The following CCDC148 variants were observed in gnomAD, a reference collection of about 807,000 sequenced individuals.
CCDC148 encodes the protein coiled-coil domain-containing protein 148.
Under a neutral mutation model 85.7 loss-of-function variants are expected in CCDC148, and 89 were observed. That is an observed-to-expected ratio of 1.04 (90% CI 0.87 to 1.24). CCDC148 has a LOEUF of 1.24. Ranked by LOEUF, CCDC148 falls within the 50% of genes most tolerant of loss-of-function variation. CCDC148 has a pLI of 0.00. For missense variants in CCDC148, 692 were observed against 671.7 expected, an observed-to-expected ratio of 1.03 and a Z score of -0.33; for synonymous variants, 230 against 213.9, an observed-to-expected ratio of 1.08 and a Z score of -0.66.
At chr2:158,447,034 G>C (rs1056411388) in intron 1 of CCDC148, 2 of 152,002 alleles carry the variant, frequency 1.3e-5, no homozygotes, top group Admixed American at 1.3e-4. Flanking sequence ...CCAATGTTTT[G>C]CTATTATTAA....
intron 1 of CCDC148, among the ~76,000 whole-genome samples, chr2:158,395,192 T>C (rs1399432519): frequency 6.6e-6 from 1 of 152,070 alleles, no homozygotes; most frequent in Non-Finnish European, 1.5e-5. Flanking sequence ...AGGGGACAGA[T>C]CTAGGCAAAA....
At chr2:158,179,105 C>T (rs1684742378) in intron 11 of CCDC148, 109 bp from the exon 12 acceptor site, 1 of 468,572 alleles carries the variant, frequency 2.1e-6, no homozygotes, top group Non-Finnish European at 3.5e-6. Flanking sequence ...AGCACTGTCA[C>T]ATTTTTTTTT....
chr2:158,183,436 G>C (rs1030440107), intron 11 of CCDC148, among the ~76,000 whole-genome samples: 1 of 152,064 alleles, frequency 6.6e-6, no homozygotes, highest in East Asian at 1.9e-4. Context: ...AAAATGATAA[G>C]TACCAAATCT....
At chr2:158,454,447 G>A (rs1017478219) in intron 1 of CCDC148, among the ~76,000 whole-genome samples, 1 of 152,164 alleles carries the variant, frequency 6.6e-6, no homozygotes, top group African/African-American at 2.4e-5. Flanking sequence ...AGAGAAATGT[G>A]GTCACCCTTC....
chr2:158,436,128 T>C (rs900683381), intron 1 of CCDC148, among the ~76,000 whole-genome samples: 7 of 152,218 alleles, frequency 4.6e-5, no homozygotes, highest in Admixed American at 2.6e-4. Flanking sequence ...CAGGCAGACA[T>C]AATAGACATC....
rs138454348 is a variant in CCDC148 at position 158,393,521 on chromosome 2, A to G, written c.26-34951T>C. Among the ~76,000 whole-genome samples the G allele has an allele frequency of 2.6e-3, 399 of 152,252 alleles. 3 individuals carry two copies. Among genetic ancestry groups the G allele is most frequent in the African/African-American group, 8.9e-3 (371 of 41,568 alleles). On this transcript the variant is annotated intron_variant, in intron 1 of 13. Transcript: ENST00000283233. ...CAGATATTTGAGTGATGGGGCCACAAGGGTGGGATATGTTTGAAGTAGTAC... is the reference window on the plus strand; with the variant it reads ...CAGATATTTGAGTGATGGGGCCACAGGGGTGGGATATGTTTGAAGTAGTAC...
chr2:158,182,408 C>A (rs1684948494), intron 11 of CCDC148, among the ~76,000 whole-genome samples: 1 of 152,118 alleles, frequency 6.6e-6, no homozygotes, highest in African/African-American at 2.4e-5. Flanking sequence ...TCAAATGCTA[C>A]AGAAAGATCA....
At chr2:158,272,807 C>A (rs1184416775) in intron 9 of CCDC148, among the ~76,000 whole-genome samples, 1 of 152,102 alleles carries the variant, frequency 6.6e-6, no homozygotes, top group African/African-American at 2.4e-5. Context: ...CAATGAAATC[C>A]AGAATGTATC....
At chr2:158,184,864 G>A (rs1685080681) in intron 11 of CCDC148, among the ~76,000 whole-genome samples, 1 of 152,158 alleles carries the variant, frequency 6.6e-6, no homozygotes, top group East Asian at 1.9e-4. Context: ...TTCTGATTCA[G>A]TAGTTGTCAA....
At chr2:158,241,666 T>C (rs1266824846) in intron 10 of CCDC148, among the ~76,000 whole-genome samples, 2 of 152,180 alleles carry the variant, frequency 1.3e-5, no homozygotes, top group Non-Finnish European at 2.9e-5. Context: ...ATTGTGAATG[T>C]ATCTTACTAG....
chr2:158,293,223 G>A (rs1003845766), intron 9 of CCDC148, among the ~76,000 whole-genome samples: 2 of 152,070 alleles, frequency 1.3e-5, no homozygotes, highest in Non-Finnish European at 2.9e-5. Flanking sequence ...AATATGGGGG[G>A]TGGGGGAGAA....
chr2:158,309,828 T>A (rs556214085), intron 8 of CCDC148, among the ~76,000 whole-genome samples, 189 bp from the exon 9 acceptor site: 8 of 152,246 alleles, frequency 5.3e-5, no homozygotes, highest in Non-Finnish European at 8.8e-5. Flanking sequence ...CCATGGCTAA[T>A]TGGTGACTGA....
intron 7 of CCDC148, among the ~76,000 whole-genome samples, chr2:158,329,511 A>G (rs1272653615): frequency 2.0e-5 from 3 of 151,926 alleles, no homozygotes; most frequent in Non-Finnish European, 2.9e-5. Flanking sequence ...TTGGTTCCAT[A>G]TGAACTTTAA....
chr2:158,426,028 G>T (rs1390549875), intron 1 of CCDC148, among the ~76,000 whole-genome samples: 1 of 151,910 alleles, frequency 6.6e-6, no homozygotes, highest in African/African-American at 2.4e-5. Flanking sequence ...GCTAGAAAAA[G>T]CTTTACATGC....
rs78955247 is a variant in CCDC148, at chr2:158,415,701, T to A, written c.25+40714A>T. Among the ~76,000 whole-genome samples, 712 of 152,224 alleles carry A rather than the reference T, an allele frequency of 4.7e-3. 1 individual carries two copies. The highest frequency in any genetic ancestry group is 0.016 in the African/African-American group (651 of 41,532). ...TTACTCCCTTTCCAAAAGAGAGAAATCTGCCAGAAGAAAGGAACTACAGGC... is the reference window on the plus strand; with the variant it reads ...TTACTCCCTTTCCAAAAGAGAGAAAACTGCCAGAAGAAAGGAACTACAGGC... On this transcript the variant is annotated intron_variant, in intron 1 of 13. Transcript: ENST00000283233.
rs1686573838 is a variant in CCDC148, at chr2:158,417,836, CT to C, written c.25+38578del. ...CCCTGAAGTTCATTTGTAGATCCCC[CT>C]GAGGCATAAAGACATCAGGTTAAGA... On this transcript the variant is annotated intron_variant, in intron 1 of 13. Coordinates refer to ENST00000283233, the MANE Select transcript of CCDC148 (RefSeq NM_138803.4). 3.3e-5 allele frequency among the ~76,000 whole-genome samples: 5 copies of C among 152,228 alleles called. No homozygotes were observed. In the South Asian group the frequency reaches 1.0e-3, roughly 32 times the overall value.
chr2:158,271,470 G>A (rs1317609658), intron 9 of CCDC148, among the ~76,000 whole-genome samples: 1 of 152,126 alleles, frequency 6.6e-6, no homozygotes, highest in Non-Finnish European at 1.5e-5. Flanking sequence ...TCATTCCCTT[G>A]TTTAGCACAT....
At chr2:158,252,238 A>G (rs565030385) in intron 9 of CCDC148, among the ~76,000 whole-genome samples, 1 of 151,868 alleles carries the variant, frequency 6.6e-6, no homozygotes, top group South Asian at 2.1e-4. Context: ...TTTTGCAAAA[A>G]TTTCATTTTC....
chr2:158,186,362 T>C (rs1480070748), intron 11 of CCDC148, among the ~76,000 whole-genome samples: 1 of 152,060 alleles, frequency 6.6e-6, no homozygotes, highest in African/African-American at 2.4e-5. Flanking sequence ...ATTCCCGTTA[T>C]ATGCCTCCAG....
Sources: gnomAD v4.1 joint callset for allele counts (sites outside exome capture counted in the v4.1 genomes callset) on GRCh38, gnomAD v4.1.1 for gene constraint, MANE v1.5 for transcripts, NCBI Gene and HGNC (gene_info 2026-07-23, HGNC 2026-07-21) for gene names.